Variants in UVRAG observed in about 807,000 individuals in gnomAD.
UVRAG encodes UV radiation resistance associated, also known as UV radiation resistance-associated gene protein.
UVRAG carries 19 observed loss-of-function variants against 78.0 expected under a neutral mutation model. The observed-to-expected ratio is 0.24, with a 90% CI of 0.17 to 0.36. UVRAG has a LOEUF of 0.36. UVRAG is among the 10% of genes least tolerant of loss of function. The pLI, the probability that UVRAG is intolerant of heterozygous loss-of-function variation, is 1.00. For synonymous variants in UVRAG, 323 were observed against 324.6 expected, an observed-to-expected ratio of 1.00 and a Z score of 0.05; for missense variants, 740 against 853.8, an observed-to-expected ratio of 0.87 and a Z score of 1.66.
intron 13 of UVRAG, among the ~76,000 whole-genome samples, chr11:76,070,592 A>T (rs892455046): frequency 6.6e-6 from 1 of 152,188 alleles, no homozygotes; most frequent in South Asian, 2.1e-4. Flanking sequence ...AAATTTTTTT[A>T]AAGTTAGGTG....
At chr11:75,977,685 G>A (rs1368128539) in intron 7 of UVRAG, among the ~76,000 whole-genome samples, 5 of 152,120 alleles carry the variant, frequency 3.3e-5, no homozygotes, top group Non-Finnish European at 7.4e-5. Context: ...CAGAGACTAG[G>A]ATTGCAACCC....
intron 4 of UVRAG, among the ~76,000 whole-genome samples, chr11:75,886,220 T>C (rs182113862): frequency 6.6e-6 from 1 of 152,342 alleles, no homozygotes; most frequent in Admixed American, 6.5e-5. Context: ...ACTATTTTAA[T>C]GCACGTCTTC....
chr11:75,825,906 G>A (rs187631937), intron 1 of UVRAG, among the ~76,000 whole-genome samples: 75 of 151,074 alleles, frequency 5.0e-4, no homozygotes, highest in African/African-American at 1.8e-3. Context: ...GTGTGATCTC[G>A]GCTCACTGCA....
chr11:76,051,607 C>G (rs1950870483), intron 12 of UVRAG, among the ~76,000 whole-genome samples: 1 of 152,036 alleles, frequency 6.6e-6, no homozygotes, highest in Non-Finnish European at 1.5e-5. Flanking sequence ...CTAAAATTAC[C>G]TGGAATTCAA....
intron 1 of UVRAG, among the ~76,000 whole-genome samples, chr11:75,839,835 A>G (rs1590920332): frequency 6.7e-6 from 1 of 150,170 alleles, no homozygotes; most frequent in African/African-American, 2.5e-5. Flanking sequence ...GTATATATAT[A>G]TATACACACC....
At chr11:76,113,616 A>G (rs963959177) in intron 13 of UVRAG, among the ~76,000 whole-genome samples, 1 of 152,064 alleles carries the variant, frequency 6.6e-6, no homozygotes. Flanking sequence ...TATATGTGTT[A>G]TGTATGCATT....
At chr11:76,020,307 C>T (rs1398514874) in intron 12 of UVRAG, among the ~76,000 whole-genome samples, 1 of 152,070 alleles carries the variant, frequency 6.6e-6, no homozygotes, top group East Asian at 1.9e-4. Flanking sequence ...ACCCCAAAAG[C>T]CCATTTGGTG....
chr11:76,076,461 A>C (rs956679645), intron 13 of UVRAG, among the ~76,000 whole-genome samples: 1 of 152,190 alleles, frequency 6.6e-6, no homozygotes, highest in East Asian at 1.9e-4. Flanking sequence ...CTTATTCACT[A>C]TCACAAGAAC....
chr11:75,842,093 G>A (rs1945925758), intron 1 of UVRAG, among the ~76,000 whole-genome samples: 1 of 152,166 alleles, frequency 6.6e-6, no homozygotes, highest in South Asian at 2.1e-4. Context: ...TCACAGTATA[G>A]TCACTGGGTT....
intron 5 of UVRAG, among the ~76,000 whole-genome samples, chr11:75,890,621 A>G (rs1947194330): frequency 6.6e-6 from 1 of 152,194 alleles, no homozygotes; most frequent in Admixed American, 6.5e-5. Context: ...TGAGACATTC[A>G]TGTGTAGATG....
intron 7 of UVRAG, among the ~76,000 whole-genome samples, chr11:75,971,623 T>C (rs933883202): frequency 4.3e-4 from 66 of 152,234 alleles, no homozygotes; most frequent in African/African-American, 1.5e-3. Flanking sequence ...GCTTGCCATC[T>C]ATATATCTTC....
At chr11:75,995,862 CAG>C (rs1362568882) in intron 8 of UVRAG, among the ~76,000 whole-genome samples, 1 of 151,868 alleles carries the variant, frequency 6.6e-6, no homozygotes, top group Non-Finnish European at 1.5e-5. Context: ...AACCATCTGA[CAG>C]AAATTCTTAA....
chr11:75,854,625 C>T (rs887919952), intron 2 of UVRAG, among the ~76,000 whole-genome samples: 18 of 152,082 alleles, frequency 1.2e-4, no homozygotes, highest in African/African-American at 4.3e-4. Context: ...CCATGTTGGC[C>T]AGGCTGGTCT....
intron 6 of UVRAG, among the ~76,000 whole-genome samples, chr11:75,927,590 GA>G (rs1257101246): frequency 4.6e-5 from 7 of 152,248 alleles, no homozygotes; most frequent in African/African-American, 1.7e-4. Flanking sequence ...GTTCTATGAA[GA>G]AAAATAAAGT....
At chr11:76,005,965 G>A (rs1392817669) in intron 9 of UVRAG, among the ~76,000 whole-genome samples, 1 of 152,200 alleles carries the variant, frequency 6.6e-6, no homozygotes, top group Non-Finnish European at 1.5e-5. Context: ...CAGTCTGGAA[G>A]CTCATTAGAT....
intron 6 of UVRAG, among the ~76,000 whole-genome samples, chr11:75,949,738 CATATATATAT>C (rs61611526): frequency 2.0e-5 from 3 of 148,396 alleles, no homozygotes; most frequent in African/African-American, 7.5e-5. Context: ...CACATATACA[CATATATATAT>C]ACACACATAT....
Position 76,142,379 on chromosome 11 carries a change from G to A in UVRAG, c.*966G>A, listed in dbSNP as rs1952739152. On this transcript the variant is annotated 3_prime_UTR_variant, in exon 15 of 15. Coordinates refer to ENST00000356136, the MANE Select transcript of UVRAG (RefSeq NM_003369.4). ...TTACATGACAGAATGTATGTAGAGA[G>A]TTGGGGTGTCTGGTAGGCAAACTGC... The A allele has an allele frequency of 1.3e-5, 2 of 152,392 alleles. No individual in the cohort carries two copies. The highest frequency in any genetic ancestry group is 4.8e-5 in the African/African-American group (2 of 41,454). 9.4% of individuals were successfully genotyped at this position (152,392 alleles called of 1,614,324 possible). A position where few individuals can be genotyped will look rare whatever the true frequency, so the allele number is the denominator to read the frequency against.
intron 13 of UVRAG, among the ~76,000 whole-genome samples, chr11:76,081,123 G>A (rs915748625): frequency 1.3e-5 from 2 of 152,174 alleles, no homozygotes; most frequent in Admixed American, 6.5e-5. Context: ...AAGAGCTCTA[G>A]ATTGTGTTCT....
At chr11:76,004,165 T>G (rs1302614370) in intron 9 of UVRAG, 76 bp downstream of exon 9, 1 of 1,420,574 alleles carries the variant, frequency 7.0e-7, no homozygotes, top group Non-Finnish European at 9.9e-7. Context: ...TAGCATTCTT[T>G]AAAGCTGCTG....
Sources: allele counts gnomAD v4.1 joint callset (sites outside exome capture counted in the v4.1 genomes callset), GRCh38; gene constraint gnomAD v4.1.1; transcripts MANE v1.5; gene names NCBI Gene and HGNC (gene_info 2026-07-23, HGNC 2026-07-21).